Variants in AFG2A observed in about 807,000 individuals in gnomAD.
AFG2A encodes the protein ATPase family gene 2 protein homolog A.
At chr4:122,967,491 C>T in the AFG2A span, among the ~76,000 whole-genome samples, 70 of 152,154 alleles carry the variant, frequency 4.6e-4, no homozygotes, top group East Asian at 3.9e-4. Context: ...CCTTTCATAC[C>T]AACCATATTC....
the AFG2A span, among the ~76,000 whole-genome samples, chr4:122,949,365 G>C: frequency 2.0e-5 from 3 of 152,146 alleles, no homozygotes; most frequent in East Asian, 3.9e-4. Context: ...TGGGAAACTT[G>C]CTGCATGAGG....
the AFG2A span, among the ~76,000 whole-genome samples, chr4:123,140,104 A>C: frequency 4.6e-5 from 7 of 152,170 alleles, no homozygotes; most frequent in East Asian, 1.3e-3. Flanking sequence ...ATACTGTACT[A>C]TATTTCGTTT....
At chr4:123,285,766 C>A in the AFG2A span, among the ~76,000 whole-genome samples, 1 of 152,102 alleles carries the variant, frequency 6.6e-6, no homozygotes, top group Non-Finnish European at 1.5e-5. Context: ...CCACCACTTA[C>A]CTGTGTGTGA....
the AFG2A span, among the ~76,000 whole-genome samples, chr4:123,234,724 A>G: frequency 1.3e-5 from 2 of 152,102 alleles, no homozygotes; most frequent in Admixed American, 6.6e-5. Context: ...GGCTTCTACA[A>G]TGTAATTTCT....
chr4:122,975,608 A>T, the AFG2A span, among the ~76,000 whole-genome samples: 1 of 152,146 alleles, frequency 6.6e-6, no homozygotes, highest in Non-Finnish European at 1.5e-5. Flanking sequence ...GGAGTGATAC[A>T]GAGGGCTACC....
chr4:123,277,963 G>T, the AFG2A span, among the ~76,000 whole-genome samples: 1 of 152,090 alleles, frequency 6.6e-6, no homozygotes, highest in South Asian at 2.1e-4. Flanking sequence ...GCCAGGTTTG[G>T]GTATCACAAT....
At chr4:123,102,918 A>T in the AFG2A span, among the ~76,000 whole-genome samples, 9 of 151,494 alleles carry the variant, frequency 5.9e-5, no homozygotes, top group African/African-American at 2.2e-4. Flanking sequence ...TTGAAATTTT[A>T]ATGCATTAAA....
At chr4:123,041,256 G>T in the AFG2A span, among the ~76,000 whole-genome samples, 2 of 146,266 alleles carry the variant, frequency 1.4e-5, no homozygotes, top group Non-Finnish European at 3.0e-5. Context: ...GATTACAGGT[G>T]CCCGCCACCA....
chr4:123,189,432 C>G, the AFG2A span, among the ~76,000 whole-genome samples: 3 of 152,106 alleles, frequency 2.0e-5, no homozygotes, highest in African/African-American at 2.4e-5. Context: ...AGCTAGAGCC[C>G]TTTGGATGCC....
chr4:123,102,866 G>A, the AFG2A span, among the ~76,000 whole-genome samples: 199 of 150,856 alleles, frequency 1.3e-3, 2 homozygotes, highest in East Asian at 0.032. Context: ...GAAGGGGCCT[G>A]TAATAGAAAA....
chr4:123,201,209 A>G, the AFG2A span, among the ~76,000 whole-genome samples: 1 of 152,248 alleles, frequency 6.6e-6, no homozygotes, highest in Non-Finnish European at 1.5e-5. Context: ...TTCACCTTAG[A>G]CTTACAAATT....
At chr4:123,271,694 T>C in the AFG2A span, among the ~76,000 whole-genome samples, 1 of 152,326 alleles carries the variant, frequency 6.6e-6, no homozygotes, top group South Asian at 2.1e-4. Context: ...GCTGACTTAC[T>C]TGTGAGAGCA....
At chr4:122,925,358 A>G in the AFG2A span, among the ~76,000 whole-genome samples, 7 of 152,142 alleles carry the variant, frequency 4.6e-5, no homozygotes, top group Non-Finnish European at 8.8e-5. Flanking sequence ...ATGATCTTGT[A>G]AGATGAAGAT....
At chr4:122,948,993 T>A in the AFG2A span, among the ~76,000 whole-genome samples, 1 of 152,086 alleles carries the variant, frequency 6.6e-6, no homozygotes, top group Non-Finnish European at 1.5e-5. Context: ...AATCATACTG[T>A]ATAGAAAGTT....
At chr4:123,045,418 T>C in the AFG2A span, among the ~76,000 whole-genome samples, 2 of 152,220 alleles carry the variant, frequency 1.3e-5, no homozygotes, top group Non-Finnish European at 2.9e-5. Flanking sequence ...TAATTTCCTT[T>C]ATGACAAAAT....
chr4:123,240,678 C>G, the AFG2A span, among the ~76,000 whole-genome samples: 3 of 152,070 alleles, frequency 2.0e-5, no homozygotes, highest in Non-Finnish European at 4.4e-5. Context: ...CAAGAGAAAG[C>G]AGGAAAGATC....
At chr4:123,082,489 T>C in the AFG2A span, among the ~76,000 whole-genome samples, 2 of 151,628 alleles carry the variant, frequency 1.3e-5, no homozygotes, top group East Asian at 3.9e-4. Context: ...GTTGGTACTT[T>C]TTGTGTGTGT....
chr4:122,936,249 G>A, the AFG2A span: 1 of 813,100 alleles, frequency 1.2e-6, no homozygotes, highest in Non-Finnish European at 1.8e-6. Context: ...ATAAACAGTA[G>A]TACAAAAATT....
the AFG2A span, among the ~76,000 whole-genome samples, chr4:123,014,845 A>G: frequency 6.6e-6 from 1 of 152,218 alleles, no homozygotes; most frequent in African/African-American, 2.4e-5. Context: ...GTTATTTACT[A>G]AAGAGCAACA....
Sources: allele counts gnomAD v4.1 joint callset (sites outside exome capture counted in the v4.1 genomes callset), GRCh38; gene constraint gnomAD v4.1.1; transcripts MANE v1.5; gene names NCBI Gene and HGNC (gene_info 2026-07-23, HGNC 2026-07-21).